CADM2: variants seen among roughly 807,000 people sequenced by gnomAD.
CADM2 encodes the protein cell adhesion molecule 2, also known as immunoglobulin superfamily member 4D.
In CADM2, 12 loss-of-function variants were observed where a neutral mutation model predicts 49.8. That is an observed-to-expected ratio of 0.24 (90% CI 0.15 to 0.39). The LOEUF is 0.39. CADM2 is among the 10% of genes least tolerant of loss of function. The pLI is 1.00. For synonymous variants in CADM2, 214 were observed against 175.4 expected (o/e 1.22, Z -1.74); for missense variants, 378 against 492.3 (o/e 0.77, Z 2.20).
chr3:85,461,403 C>G (rs2038237974), intron 1 of CADM2, among the ~76,000 whole-genome samples: 2 of 152,088 alleles, frequency 1.3e-5, no homozygotes, highest in South Asian at 4.1e-4. Flanking sequence ...AGTTTCTTTC[C>G]TACAATTTCA....
intron 1 of CADM2, among the ~76,000 whole-genome samples, chr3:85,092,270 C>G (rs1316103096): frequency 6.6e-6 from 1 of 152,098 alleles, no homozygotes; most frequent in African/African-American, 2.4e-5. Flanking sequence ...ATACATTTAT[C>G]CACAATACAT....
intron 2 of CADM2, among the ~76,000 whole-genome samples, chr3:85,753,127 T>TC: frequency 6.6e-6 from 1 of 152,264 alleles, no homozygotes. Flanking sequence ...ACAACTGTGC[T>TC]CCCAGGGATA....
intron 1 of CADM2, among the ~76,000 whole-genome samples, chr3:85,282,413 C>T (rs1006096142): frequency 3.3e-5 from 5 of 150,012 alleles, no homozygotes; most frequent in African/African-American, 7.4e-5. Flanking sequence ...AGGCGTGAGC[C>T]GCCACTCTTG....
At chr3:85,481,541 G>C (rs933135015) in intron 1 of CADM2, among the ~76,000 whole-genome samples, 1 of 151,596 alleles carries the variant, frequency 6.6e-6, no homozygotes, top group African/African-American at 2.4e-5. Context: ...AAGTCAGAAA[G>C]GGCATTTTGA....
intron 6 of CADM2, among the ~76,000 whole-genome samples, chr3:85,934,535 T>A (rs1720970040): frequency 6.6e-6 from 1 of 152,120 alleles, no homozygotes; most frequent in Admixed American, 6.6e-5. Context: ...TTTTGAATGT[T>A]TATTTGCAAC....
intron 1 of CADM2, among the ~76,000 whole-genome samples, chr3:85,465,679 A>G (rs911323893): frequency 4.6e-5 from 7 of 152,120 alleles, no homozygotes; most frequent in African/African-American, 1.4e-4. Flanking sequence ...TGTTACATTT[A>G]TCTTTGTTGT....
chr3:85,219,609 C>T (rs936329800), intron 1 of CADM2, among the ~76,000 whole-genome samples: 1 of 152,092 alleles, frequency 6.6e-6, no homozygotes, highest in African/African-American at 2.4e-5. Context: ...TGTTATGCCA[C>T]TGTGAAAGAA....
chr3:85,654,406 T>A (rs539521381), intron 1 of CADM2, among the ~76,000 whole-genome samples: 1 of 152,312 alleles, frequency 6.6e-6, no homozygotes, highest in African/African-American at 2.4e-5. Flanking sequence ...GGTTCATTTA[T>A]GCCACCATTT....
intron 1 of CADM2, among the ~76,000 whole-genome samples, chr3:85,357,978 A>G (rs1367989590): frequency 2.0e-5 from 3 of 152,124 alleles, no homozygotes; most frequent in African/African-American, 7.2e-5. Context: ...CTGATTTCAC[A>G]GTAGATTGCA....
At chr3:85,392,038 A>G (rs2034544871) in intron 1 of CADM2, among the ~76,000 whole-genome samples, 1 of 152,064 alleles carries the variant, frequency 6.6e-6, no homozygotes. Context: ...GGAGAGAAGA[A>G]AATTTGGGGA....
At chr3:85,188,579 T>G (rs1341268125) in intron 1 of CADM2, among the ~76,000 whole-genome samples, 3 of 151,754 alleles carry the variant, frequency 2.0e-5, no homozygotes, top group East Asian at 3.8e-4. Context: ...ATTCAAGTTG[T>G]TTTTTTTCAT....
At chr3:85,731,865 A>G (rs2067945637) in intron 2 of CADM2, among the ~76,000 whole-genome samples, 1 of 152,076 alleles carries the variant, frequency 6.6e-6, no homozygotes, top group Admixed American at 6.6e-5. Flanking sequence ...TGCTTTTATT[A>G]TCAGTGAAGA....
chr3:85,182,711 T>G (rs1255604478), intron 1 of CADM2, among the ~76,000 whole-genome samples: 1 of 152,130 alleles, frequency 6.6e-6, no homozygotes, highest in Non-Finnish European at 1.5e-5. Context: ...GTTGCATGTC[T>G]CTTGTAAATC....
chr3:85,541,833 G>T (rs1355748954), intron 1 of CADM2, among the ~76,000 whole-genome samples: 1 of 142,902 alleles, frequency 7.0e-6, no homozygotes, highest in Non-Finnish European at 1.5e-5. Context: ...AAAATAAGAG[G>T]CCCCTAAATA....
intron 6 of CADM2, among the ~76,000 whole-genome samples, chr3:85,926,957 A>T (rs1400305656): frequency 1.3e-5 from 2 of 152,262 alleles, no homozygotes; most frequent in East Asian, 1.9e-4. Flanking sequence ...AACTCATTGA[A>T]ATGTGATTAA....
intron 1 of CADM2, among the ~76,000 whole-genome samples, chr3:85,036,871 G>A (rs1480629553): frequency 6.6e-6 from 1 of 151,998 alleles, no homozygotes; most frequent in African/African-American, 2.4e-5. Context: ...TATGATTCTG[G>A]CCAGACGCTG....
At chr3:85,936,686 A>G (rs1721221178) in intron 7 of CADM2, among the ~76,000 whole-genome samples, 1 of 151,832 alleles carries the variant, frequency 6.6e-6, no homozygotes, top group African/African-American at 2.4e-5. Context: ...ATCAGGTTAA[A>G]TTGCTAAAAA....
At chr3:85,057,462 G>A (rs894358572) in intron 1 of CADM2, among the ~76,000 whole-genome samples, 1 of 152,002 alleles carries the variant, frequency 6.6e-6, no homozygotes, top group Non-Finnish European at 1.5e-5. Flanking sequence ...TATACTAACA[G>A]TGATGTGAGT....
Position 85,792,621 on chromosome 3 carries a change from A to G in CADM2, c.89-9426A>G, listed in dbSNP as rs2071402509. 2.0e-5 allele frequency among the ~76,000 whole-genome samples: 3 copies of G among 152,182 alleles called. No homozygotes were observed. The South Asian group carries it at 6.2e-4, about 31-fold the overall frequency. On this transcript the variant is annotated intron_variant, in intron 2 of 9. Coordinates refer to ENST00000383699, the MANE Select transcript of CADM2 (RefSeq NM_001167675.2). ...TGATTATTGCTCTTAGAGAGCAAGC[A>G]CTCATGTGCAGTGTGCACTGATCCA...
Sources: gnomAD v4.1 joint callset for allele counts (sites outside exome capture counted in the v4.1 genomes callset) on GRCh38, gnomAD v4.1.1 for gene constraint, MANE v1.5 for transcripts, NCBI Gene and HGNC (gene_info 2026-07-23, HGNC 2026-07-21) for gene names.